Variants in CWC27 observed in about 807,000 individuals in gnomAD.
CWC27 encodes spliceosome-associated protein CWC27 homolog.
A neutral mutation model predicts 63.6 loss-of-function variants in CWC27; 47 were observed. The observed-to-expected ratio is 0.74, with a 90% CI of 0.58 to 0.94. The LOEUF is 0.94. CWC27 is among the 40% of genes least tolerant of loss of function. The pLI, the probability that CWC27 is intolerant of heterozygous loss-of-function variation, is 0.00. For missense variants in CWC27, 495 were observed against 554.3 expected, an observed-to-expected ratio of 0.89 and a Z score of 1.07; for synonymous variants, 175 against 179.8, an observed-to-expected ratio of 0.97 and a Z score of 0.22.
chr5:64,871,601 T>G (rs1171536820), intron 10 of CWC27, among the ~76,000 whole-genome samples: 1 of 152,154 alleles, frequency 6.6e-6, no homozygotes, highest in African/African-American at 2.4e-5. Flanking sequence ...CCTTGCAGTC[T>G]TAAGGAGTTT....
intron 11 of CWC27, among the ~76,000 whole-genome samples, chr5:64,939,694 A>G (rs1219595675): frequency 1.3e-5 from 2 of 152,216 alleles, no homozygotes; most frequent in African/African-American, 2.4e-5. Flanking sequence ...GAAACATTTA[A>G]GTCTGCTGAA....
intron 11 of CWC27, among the ~76,000 whole-genome samples, chr5:64,970,011 G>A (rs1749088154): frequency 6.6e-6 from 1 of 152,162 alleles, no homozygotes; most frequent in Non-Finnish European, 1.5e-5. Flanking sequence ...CCAAGTGAAA[G>A]CACATGAAGG....
chr5:64,885,511 A>C lies in CWC27; in HGVS notation c.1007A>C (p.Glu336Ala). The C allele has an allele frequency of 6.2e-7, 1 of 1,605,430 alleles. No individual in the cohort carries two copies. The highest frequency in any genetic ancestry group is 8.5e-7 in the Non-Finnish European group (1 of 1,175,672). ...TTAGCAGCAAAACAAAAAAAAGTAGAAAATGCAGCAAAACAAGCAGAAAAA... is the reference window on the plus strand; with the variant it reads ...TTAGCAGCAAAACAAAAAAAAGTAGCAAATGCAGCAAAACAAGCAGAAAAA... The part of the protein sequence containing the change: ...ELLAAKQKKV[E>A]NAAKQAEKRS... The change falls in exon 11 of 14, where the codon GAA becomes GCA. Residue 336 changes from glutamate to alanine, a missense_variant. Around this residue, in one of 3 missense-constraint regions of CWC27, gnomAD observed 463 missense variants for 498.1 expected, o/e 0.93. Transcript: ENST00000381070.
chr5:64,929,490 TA>T (rs1412190754), intron 11 of CWC27, among the ~76,000 whole-genome samples: 1 of 152,174 alleles, frequency 6.6e-6, no homozygotes, highest in Non-Finnish European at 1.5e-5. Context: ...GGGTTTCAGA[TA>T]ATTGAGAACA....
intron 13 of CWC27, among the ~76,000 whole-genome samples, chr5:64,987,249 A>C (rs1749452054): frequency 6.6e-6 from 1 of 151,986 alleles, no homozygotes; most frequent in Non-Finnish European, 1.5e-5. Context: ...GTTTTGTTTC[A>C]CTGATTGATA....
At chr5:64,977,633 A>C (rs1311526069) in intron 13 of CWC27, among the ~76,000 whole-genome samples, 2 of 152,218 alleles carry the variant, frequency 1.3e-5, no homozygotes, top group Non-Finnish European at 2.9e-5. Flanking sequence ...TTTAGAACTC[A>C]GTAATCTATT....
intron 13 of CWC27, among the ~76,000 whole-genome samples, chr5:64,982,075 G>T (rs1380351317): frequency 1.3e-5 from 2 of 152,158 alleles, no homozygotes. Context: ...TTTGGAGTTA[G>T]CATAGTGCAG....
At chr5:64,970,329 C>A (rs1202714017) in intron 11 of CWC27, among the ~76,000 whole-genome samples, 32 of 148,426 alleles carry the variant, frequency 2.2e-4, no homozygotes, top group East Asian at 4.0e-4. Flanking sequence ...TCTCCTGCCT[C>A]AGCCTCTCCA....
At chr5:64,814,766 TTATAA>T (rs554185185) in intron 10 of CWC27, among the ~76,000 whole-genome samples, 2 of 152,132 alleles carry the variant, frequency 1.3e-5, no homozygotes, top group South Asian at 2.1e-4. Flanking sequence ...TTCACATATA[TTATAA>T]TATAACTCTT....
At chr5:64,861,038 A>G (rs967976475) in intron 10 of CWC27, among the ~76,000 whole-genome samples, 4 of 152,164 alleles carry the variant, frequency 2.6e-5, no homozygotes, top group African/African-American at 9.7e-5. Context: ...TCAAATGGTT[A>G]GGAGCTGCCT....
chr5:64,995,788 TA>T (rs1446821172), intron 13 of CWC27, among the ~76,000 whole-genome samples: 1 of 152,236 alleles, frequency 6.6e-6, no homozygotes, highest in Non-Finnish European at 1.5e-5. Flanking sequence ...GTTGAACCTT[TA>T]CTGTTCTACA....
intron 13 of CWC27, among the ~76,000 whole-genome samples, chr5:64,995,849 T>C (rs1749621083): frequency 6.6e-6 from 1 of 152,236 alleles, no homozygotes. Flanking sequence ...TGCTACATTC[T>C]TATTTTCTTT....
chr5:64,904,194 A>G (rs1302490397), intron 11 of CWC27, among the ~76,000 whole-genome samples: 2 of 152,118 alleles, frequency 1.3e-5, no homozygotes, highest in African/African-American at 4.8e-5. Context: ...CCATTTACAT[A>G]TTTTAGGTTT....
chr5:64,809,202 A>G (rs1171132793), intron 10 of CWC27, among the ~76,000 whole-genome samples: 1 of 152,156 alleles, frequency 6.6e-6, no homozygotes, highest in Non-Finnish European at 1.5e-5. Flanking sequence ...TTACTATGTG[A>G]TGTTTTGCTG....
intron 4 of CWC27, among the ~76,000 whole-genome samples, chr5:64,785,122 T>G (rs1743836691): frequency 6.6e-6 from 1 of 152,202 alleles, no homozygotes; most frequent in African/African-American, 2.4e-5. Context: ...CTCTAAAGCA[T>G]TTACCACATT....
intron 10 of CWC27, among the ~76,000 whole-genome samples, chr5:64,826,627 G>T (rs746225133): frequency 2.6e-5 from 4 of 151,326 alleles, no homozygotes; most frequent in Non-Finnish European, 5.9e-5. Flanking sequence ...ATGACAAGTA[G>T]TAAGTTCTGA....
At chr5:64,961,909 C>A (rs1748918421) in intron 11 of CWC27, among the ~76,000 whole-genome samples, 1 of 152,082 alleles carries the variant, frequency 6.6e-6, no homozygotes, top group South Asian at 2.1e-4. Flanking sequence ...TAATTCCATC[C>A]TTCATTACTA....
intron 11 of CWC27, among the ~76,000 whole-genome samples, chr5:64,935,515 A>G (rs771870180): frequency 1.3e-5 from 2 of 152,148 alleles, no homozygotes; most frequent in Non-Finnish European, 2.9e-5. Context: ...GCCTTGTAGT[A>G]TAGTTTGAAG....
chr5:64,972,553 T>C (rs1749145885), intron 12 of CWC27: 1 of 369,956 alleles, frequency 2.7e-6, no homozygotes, highest in Non-Finnish European at 5.2e-6. Context: ...TATATATATA[T>C]ATGGACACAC....
Sources: allele counts gnomAD v4.1 joint callset (sites outside exome capture counted in the v4.1 genomes callset), GRCh38; gene constraint gnomAD v4.1.1; regional missense constraint gnomAD v4.1.1; transcripts MANE v1.5; gene names NCBI Gene and HGNC (gene_info 2026-07-23, HGNC 2026-07-21).